ERBIN: variants seen among roughly 807,000 people sequenced by gnomAD.
ERBIN encodes the protein erbb2 interacting protein.
A neutral mutation model predicts 158.4 loss-of-function variants in ERBIN; 60 were observed. The ratio of observed to expected loss-of-function variants is 0.38; its 90% CI spans 0.31 to 0.47. The LOEUF is 0.47. ERBIN is among the 20% of genes least tolerant of loss of function. The pLI, the probability that ERBIN is intolerant of heterozygous loss-of-function variation, is 0.99. For synonymous variants in ERBIN, 594 were observed against 557.2 expected, an observed-to-expected ratio of 1.07 and a Z score of -0.93; for missense variants, 1,610 against 1,648.0, an observed-to-expected ratio of 0.98 and a Z score of 0.40.
intron 7 of ERBIN, among the ~76,000 whole-genome samples, chr5:66,017,940 T>C (rs1754964951): frequency 6.6e-6 from 1 of 152,098 alleles, no homozygotes; most frequent in Non-Finnish European, 1.5e-5. Flanking sequence ...TTGAAGAAAC[T>C]GTCTTTTCCC....
Position 66,077,727 on chromosome 5 carries a change from CTCTT to C in ERBIN, c.4132-691_4132-688del, listed in dbSNP as rs770239768. On this transcript the variant is annotated intron_variant, in intron 25 of 25. Transcript: ENST00000284037. ...TACATTGTCTTTATCATTTATTCTCCTCTTTCTTCTCTTTTTCTCCCTCCCTCCC... is the reference window on the plus strand; with the variant it reads ...TACATTGTCTTTATCATTTATTCTCCTCTTCTCTTTTTCTCCCTCCCTCCC... Among the ~76,000 whole-genome samples, 578 of 150,880 alleles carry C rather than the reference CTCTT, an allele frequency of 3.8e-3. 4 individuals are homozygous for C. Among genetic ancestry groups the C allele is most frequent in the Non-Finnish European group, 5.3e-3 (359 of 67,660 alleles).
intron 1 of ERBIN, among the ~76,000 whole-genome samples, chr5:65,943,642 T>C (rs780172928): frequency 2.0e-5 from 3 of 152,206 alleles, no homozygotes; most frequent in Non-Finnish European, 4.4e-5. Flanking sequence ...TTCCACCCAA[T>C]GTTTAAAATT....
At chr5:65,937,041 G>A (rs2150859916) in intron 1 of ERBIN, among the ~76,000 whole-genome samples, 1 of 152,228 alleles carries the variant, frequency 6.6e-6, no homozygotes, top group Non-Finnish European at 1.5e-5. Flanking sequence ...CAGATTGCCT[G>A]GATTTAAATC....
At chr5:65,933,696 G>A (rs963807735) in intron 1 of ERBIN, among the ~76,000 whole-genome samples, 2 of 151,892 alleles carry the variant, frequency 1.3e-5, no homozygotes, top group East Asian at 1.9e-4. Flanking sequence ...TTATTTCCCC[G>A]ACCCCAGCCT....
In ERBIN at chr5:66,048,650, C is replaced by A. The variant is rs781686352; in HGVS notation, c.1789-17C>A. 6.7e-7 allele frequency: 1 copy of A among 1,500,300 alleles called. No homozygotes were observed. The highest frequency in any genetic ancestry group is 1.7e-5 in the Admixed American group (1 of 57,578). The allele number at this position is 1,500,300 out of a possible 1,614,324, so 92.9% of individuals were successfully genotyped here. A position where few individuals can be genotyped will look rare whatever the true frequency, so the allele number is the denominator to read the frequency against. On this transcript the variant is annotated splice_polypyrimidine_tract_variant and intron_variant, in intron 18 of 25. Transcript: ENST00000284037. Reference sequence around the variant, plus strand: ...ACAAAAATTTAATTTTTATCCCCCTCACCCCCTTTTCACTAGGAATCTGAA... The same window carrying A: ...ACAAAAATTTAATTTTTATCCCCCTAACCCCCTTTTCACTAGGAATCTGAA...
Position 66,053,861 on chromosome 5 carries a change from G to A in ERBIN, c.2543G>A (p.Gly848Asp). Residue 848 changes from glycine (G) to aspartate (D), a missense_variant, in exon 21 of 26, where the codon GGT becomes GAT. Physicochemically the swap from Gly to Asp is moderately conservative, Grantham distance 94 (BLOSUM62 -1). This residue lies in a region of ERBIN where 1,014 missense variants were observed against 936.1 expected (regional missense o/e 1.08). Transcript: ENST00000284037. ...GACAGTGATTGTTCTGTTGACTTAG[G>A]TATTTCCAAAAGCACTGAAGATCTC... ...PHDSDCSVDL[G>D]ISKSTEDLSP... The A allele has an allele frequency of 6.2e-7, 1 of 1,614,092 alleles. No individual in the cohort carries two copies. The highest frequency in any genetic ancestry group is 1.1e-5 in the South Asian group (1 of 91,088).
At chr5:66,055,104 G>A in intron 21 of ERBIN, 153 bp downstream of exon 21, 2 of 1,403,572 alleles carry the variant, frequency 1.4e-6, no homozygotes, top group Non-Finnish European at 9.2e-7. Context: ...TTTAAACTCA[G>A]CCAGGACAAT....
intron 7 of ERBIN, among the ~76,000 whole-genome samples, chr5:66,016,202 A>G (rs1754696697): frequency 1.3e-5 from 2 of 152,224 alleles, no homozygotes; most frequent in African/African-American, 4.8e-5. Flanking sequence ...AAAATTCAAA[A>G]AGATATGTAT....
intron 22 of ERBIN, among the ~76,000 whole-genome samples, chr5:66,072,902 T>A (rs759888701): frequency 3.3e-4 from 50 of 152,224 alleles, no homozygotes; most frequent in Non-Finnish European, 6.0e-4. Context: ...ATTTATTACA[T>A]AAAACTTCTA....
At chr5:65,996,585 TC>T (rs1431928479) in intron 4 of ERBIN, among the ~76,000 whole-genome samples, 1 of 152,212 alleles carries the variant, frequency 6.6e-6, no homozygotes, top group Non-Finnish European at 1.5e-5. Flanking sequence ...GCCGTTTAGT[TC>T]TTTTTGTTCA....
chr5:66,018,885 T>C (rs572849959), intron 7 of ERBIN, among the ~76,000 whole-genome samples: 1 of 151,882 alleles, frequency 6.6e-6, no homozygotes, highest in Non-Finnish European at 1.5e-5. Context: ...TGCGCCTGCC[T>C]TGGCCTCCCA....
intron 1 of ERBIN, among the ~76,000 whole-genome samples, chr5:65,927,803 C>T (rs550355458): frequency 6.6e-6 from 1 of 152,158 alleles, no homozygotes; most frequent in Non-Finnish European, 1.5e-5. Context: ...AGACATTCCA[C>T]CAGTCAGAGC....
chr5:66,068,965 G>A, intron 21 of ERBIN: 4 of 1,535,662 alleles, frequency 2.6e-6, no homozygotes, highest in Non-Finnish European at 3.5e-6. Context: ...GGCAGCCAGG[G>A]CAGTCTTGCC....
chr5:66,070,987 A>G (rs1761477432), intron 21 of ERBIN, among the ~76,000 whole-genome samples: 1 of 152,192 alleles, frequency 6.6e-6, no homozygotes. Flanking sequence ...TAAAATATAT[A>G]TAGGGATGTG....
At chr5:65,933,265 T>G (rs1471892905) in intron 1 of ERBIN, among the ~76,000 whole-genome samples, 2 of 152,234 alleles carry the variant, frequency 1.3e-5, no homozygotes, top group African/African-American at 2.4e-5. Context: ...ATTTTCATGG[T>G]AGTCAAAGTT....
chr5:66,014,425 G>A (rs1754507620), intron 6 of ERBIN, among the ~76,000 whole-genome samples: 1 of 152,136 alleles, frequency 6.6e-6, no homozygotes, highest in African/African-American at 2.4e-5. Context: ...GATACTTTGG[G>A]ATATTCACTT....
At chr5:66,075,300 A>G in intron 23 of ERBIN, 70 bp downstream of exon 23, 3 of 1,239,290 alleles carry the variant, frequency 2.4e-6, no homozygotes, top group Non-Finnish European at 3.5e-6. Context: ...TTACTTAATT[A>G]TTAGTAAATC....
At chr5:65,995,109 A>G (rs540601423) in intron 4 of ERBIN, among the ~76,000 whole-genome samples, 1 of 152,332 alleles carries the variant, frequency 6.6e-6, no homozygotes, top group South Asian at 2.1e-4. Flanking sequence ...TAATATGTGT[A>G]TGTAAAATCT....
chr5:65,955,944 A>G (rs908303466), intron 1 of ERBIN, among the ~76,000 whole-genome samples: 1 of 152,196 alleles, frequency 6.6e-6, no homozygotes, highest in Non-Finnish European at 1.5e-5. Context: ...TGTTTACCAT[A>G]TCTATATATG....
Sources: gnomAD v4.1 joint callset for allele counts (sites outside exome capture counted in the v4.1 genomes callset) on GRCh38, gnomAD v4.1.1 for gene constraint, gnomAD v4.1.1 regional missense constraint, MANE v1.5 for transcripts, NCBI Gene and HGNC (gene_info 2026-07-23, HGNC 2026-07-21) for gene names.